Variants in ADGRG4 observed in about 807,000 individuals in gnomAD.
ADGRG4 encodes the protein G protein-coupled receptor 112.
ADGRG4 carries 122 observed loss-of-function variants against 126.2 expected under a neutral mutation model. The ratio of observed to expected loss-of-function variants is 0.97; its 90% CI spans 0.83 to 1.12. ADGRG4 has a LOEUF of 1.12. Among genes scored for constraint, ADGRG4 ranks in the 50% most tolerant of loss-of-function variants. The pLI, the probability that ADGRG4 is intolerant of heterozygous loss-of-function variation, is 0.00. For missense variants in ADGRG4, 2,481 were observed against 2,251.8 expected, an observed-to-expected ratio of 1.10 and a Z score of -2.06; for synonymous variants, 943 against 838.7, an observed-to-expected ratio of 1.12 and a Z score of -2.15.
chrX:136,360,786 T>C (rs1422724091), intron 11 of ADGRG4, among the ~76,000 whole-genome samples: 1 of 110,658 alleles, frequency 9.0e-6, no homozygotes, highest in Non-Finnish European at 1.9e-5. Flanking sequence ...ATACTGATCA[T>C]GTCAGATACA....
intron 5 of ADGRG4, among the ~76,000 whole-genome samples, chrX:136,334,729 G>A (rs764754116): frequency 8.9e-5 from 10 of 112,145 alleles, no homozygotes; most frequent in Non-Finnish European, 1.1e-4. Flanking sequence ...CAGTTTCTGC[G>A]TGTTCATTTT....
In ADGRG4 at chrX:136,347,000, G is replaced by C; in HGVS notation, c.3294G>C (p.Lys1098Asn). 8.3e-7 allele frequency: 1 copy of C among 1,210,063 alleles called. No individual in the cohort carries two copies. Among genetic ancestry groups the C allele is most frequent in the Non-Finnish European group, 1.1e-6 (1 of 894,130 alleles). Reference protein sequence around the residue: ...TSEATVISVRKTSMAVPSLTE... With the variant: ...TSEATVISVRNTSMAVPSLTE... ...AGGCCACGGTAATCTCTGTCAGGAA[G>C]ACATCCATGGCAGTTCCTTCTCTGA... The change falls in exon 6 of 26, where the codon AAG becomes AAC. Residue 1098 changes from lysine (K) to asparagine (N), a missense_variant. Lys to Asn is a moderately conservative substitution (Grantham distance 94). Coordinates refer to ENST00000394143, the MANE Select transcript of ADGRG4 (RefSeq NM_153834.4).
chrX:136,354,317 C>A (rs1211431950), intron 8 of ADGRG4, among the ~76,000 whole-genome samples: 2 of 111,579 alleles, frequency 1.8e-5, no homozygotes, highest in African/African-American at 6.5e-5. Flanking sequence ...CTGGGAAGTC[C>A]AAGATCAAGG....
At chrX:136,365,574 G>A (rs1340431620) in intron 13 of ADGRG4, among the ~76,000 whole-genome samples, 1 of 111,370 alleles carries the variant, frequency 9.0e-6, no homozygotes, top group Non-Finnish European at 1.9e-5. Context: ...CAATTTTCTC[G>A]GGTATACACT....
rs753223502 is a variant in ADGRG4, at chrX:136,392,250, G to T, written c.7930G>T (p.Ala2644Ser). Residue 2644 changes from alanine to serine, a missense_variant, in exon 17 of 26, where the codon GCA becomes TCA. Coordinates refer to ENST00000394143, the MANE Select transcript of ADGRG4 (RefSeq NM_153834.4). ...SLFKTKNVTKALTTYVVSASI... is the reference protein window; with the variant it reads ...SLFKTKNVTKSLTTYVVSASI... ...TCTGCAGACCAAAAATGTCACTAAA[G>T]CATTAACCACCTATGTTGTGAGTGC... The T allele has an allele frequency of 2.9e-5, 34 of 1,163,892 alleles. No individual in the cohort carries two copies. The highest frequency in any genetic ancestry group is 3.1e-5 in the Non-Finnish European group (27 of 870,896).
chrX:136,406,968 C>T (rs2075415934), intron 23 of ADGRG4, among the ~76,000 whole-genome samples: 1 of 109,530 alleles, frequency 9.1e-6, no homozygotes, highest in South Asian at 3.9e-4. Context: ...TAATTGCTGA[C>T]GTTCATCTTA....
At chrX:136,372,241 C>T (rs2075199312) in intron 14 of ADGRG4, among the ~76,000 whole-genome samples, 1 of 111,560 alleles carries the variant, frequency 9.0e-6, no homozygotes, top group Admixed American at 9.5e-5. Context: ...TAACTCACAG[C>T]CAATTAATAA....
intron 20 of ADGRG4, among the ~76,000 whole-genome samples, chrX:136,398,413 C>G (rs745902701): frequency 8.9e-6 from 1 of 111,819 alleles, no homozygotes; most frequent in East Asian, 2.8e-4. Context: ...AATCAAAAAG[C>G]AAAAGACAAT....
chrX:136,338,189 G>A (rs1404404391), intron 5 of ADGRG4, among the ~76,000 whole-genome samples: 5 of 100,900 alleles, frequency 5.0e-5, no homozygotes, highest in Non-Finnish European at 7.9e-5. Flanking sequence ...ACAGAGTCTC[G>A]TTCTGTCGCC....
rs748712828 is a variant in ADGRG4, at chrX:136,405,346, G to C, written c.8655-346G>C. Reference sequence around the variant, plus strand: ...CGTGCGGGGGCGGTGTGGGGAGCACGGCGACAGAGAGCCACTTTGGGGGAA... The same window carrying C: ...CGTGCGGGGGCGGTGTGGGGAGCACCGCGACAGAGAGCCACTTTGGGGGAA... On this transcript the variant is annotated intron_variant, in intron 22 of 25. Transcript: ENST00000394143. Among the ~76,000 whole-genome samples the C allele has an allele frequency of 4.5e-5, 5 of 111,037 alleles. No individual in the cohort carries two copies. The South Asian group carries it at 1.9e-3, about 43-fold the overall frequency.
Position 136,347,046 on chromosome X carries a change from C to T in ADGRG4, c.3340C>T (p.Leu1114=), listed in dbSNP as rs765208154. Residue 1114 remains leucine, a synonymous_variant, in exon 6 of 26, where the codon CTG becomes TTG. Coordinates refer to ENST00000394143, the MANE Select transcript of ADGRG4 (RefSeq NM_153834.4). ...TCTGACAGAAACACCATTTCATTCA[C>T]TGAGACTCTCCACTCCTGTGACAGC... ...PSLTETPFHS[L]RLSTPVTAKA... is the part of the protein sequence containing the mutation. The T allele has an allele frequency of 8.3e-6, 10 of 1,209,082 alleles. No individual in the cohort carries two copies. The highest frequency in any genetic ancestry group is 1.1e-5 in the Non-Finnish European group (10 of 894,699).
intron 4 of ADGRG4, among the ~76,000 whole-genome samples, chrX:136,321,384 A>G (rs1195094215): frequency 2.7e-5 from 3 of 111,477 alleles, no homozygotes; most frequent in Admixed American, 9.6e-5. Context: ...GAAAATGTCC[A>G]CTAGAGGAAT....
In ADGRG4 at chrX:136,375,094, C is replaced by T. The variant is rs372917823; in HGVS notation, c.7776+2030C>T. Among the ~76,000 whole-genome samples the T allele has an allele frequency of 1.4e-4, 15 of 110,625 alleles. No individual in the cohort carries two copies. The East Asian group carries it at 4.0e-3, about 29-fold the overall frequency. On this transcript the variant is annotated intron_variant, in intron 15 of 25. Coordinates refer to ENST00000394143, the MANE Select transcript of ADGRG4 (RefSeq NM_153834.4). ...TACATCATTCTTATGCCTTTGTGTC[C>T]CCATAGTCTAGCTCCTACTTATAAG...
chrX:136,303,164 A>G (rs1305202080), intron 1 of ADGRG4, among the ~76,000 whole-genome samples: 1 of 112,255 alleles, frequency 8.9e-6, no homozygotes, highest in African/African-American at 3.2e-5. Flanking sequence ...TACAAAAAAT[A>G]CAAAAATTAG....
chrX:136,416,577 A>G lies in ADGRG4; in HGVS notation c.*86A>G, dbSNP rs781116777. 100 of 695,034 alleles carry G rather than the reference A, an allele frequency of 1.4e-4. No homozygotes were observed. In the South Asian group the frequency reaches 2.5e-3, roughly 18 times the overall value. 57.3% of individuals were successfully genotyped at this position (695,034 alleles called of 1,213,427 possible). ...TTCCAAGTGTATACTTGCTCGGGTG[A>G]TGGGTGCACCAAAATCTCACAAATC... is the stretch of plus-strand genomic sequence containing the variant. On this transcript the variant is annotated 3_prime_UTR_variant, in exon 26 of 26. Coordinates refer to ENST00000394143, the MANE Select transcript of ADGRG4 (RefSeq NM_153834.4).
At chrX:136,324,914 G>A (rs2074863112) in intron 5 of ADGRG4, among the ~76,000 whole-genome samples, 1 of 111,723 alleles carries the variant, frequency 9.0e-6, no homozygotes, top group Admixed American at 9.5e-5. Context: ...TTATGATATG[G>A]GAGAACTCTT....
At chrX:136,331,446 GAAACTGTCAGACTGTTTAC>G (rs1470840109) in intron 5 of ADGRG4, among the ~76,000 whole-genome samples, 2 of 112,402 alleles carry the variant, frequency 1.8e-5, no homozygotes, top group East Asian at 5.6e-4. Context: ...AGCTTTATAA[GAAACTGTCAGACTGTTTAC>G]AAACTGTCAG....
rs143176027 is a variant in ADGRG4, at chrX:136,406,661, C to A, written c.8935+689C>A. 6.1e-3 allele frequency among the ~76,000 whole-genome samples: 686 copies of A among 111,977 alleles called. 2 individuals carry two copies. The highest frequency in any genetic ancestry group is 0.02 in the African/African-American group (618 of 30,804). On this transcript the variant is annotated intron_variant, in intron 23 of 25. Coordinates refer to ENST00000394143, the MANE Select transcript of ADGRG4 (RefSeq NM_153834.4). ...GGGTGTGATGGCTCGTGCCTGGAAT[C>A]CCAGCACTTTTGGAGGCCGAGGCAG...
At chrX:136,368,534 A>G (rs1467104569) in intron 13 of ADGRG4, among the ~76,000 whole-genome samples, 1 of 112,029 alleles carries the variant, frequency 8.9e-6, no homozygotes, top group Admixed American at 9.5e-5. Flanking sequence ...TGCTGTAAGA[A>G]GCCCAAACAG....
Sources: gnomAD v4.1 joint callset for allele counts (sites outside exome capture counted in the v4.1 genomes callset) on GRCh38, gnomAD v4.1.1 for gene constraint, MANE v1.5 for transcripts, NCBI Gene and HGNC (gene_info 2026-07-23, HGNC 2026-07-21) for gene names.